Variants in PTPN3 observed in about 807,000 individuals in gnomAD.
PTPN3 encodes tyrosine-protein phosphatase non-receptor type 3.
Under a neutral mutation model 132.7 loss-of-function variants are expected in PTPN3, and 96 were observed. The observed-to-expected ratio is 0.72, with a 90% CI of 0.61 to 0.86. PTPN3 has a LOEUF of 0.86. Among genes scored for constraint, PTPN3 ranks in the 40% least tolerant of loss-of-function variants. The pLI, the probability that PTPN3 is intolerant of heterozygous loss-of-function variation, is 0.00. For synonymous variants in PTPN3, 398 were observed against 429.0 expected (o/e 0.93, Z 0.89); for missense variants, 1,125 against 1,159.6 (o/e 0.97, Z 0.43).
upstream of PTPN3, among the ~76,000 whole-genome samples, chr9:109,499,443 A>T (rs1427747561): frequency 1.3e-5 from 2 of 152,134 alleles, no homozygotes; most frequent in African/African-American, 2.4e-5. Context: ...GAGGCAGAGG[A>T]GCAGATGAGG....
chr9:109,487,679 C>G (rs1450102908), intron 1 of PTPN3, among the ~76,000 whole-genome samples: 1 of 152,196 alleles, frequency 6.6e-6, no homozygotes, highest in Admixed American at 6.5e-5. Flanking sequence ...AAAAGACAGC[C>G]TAGCAACTTC....
chr9:109,464,562 A>T (rs576736415), intron 1 of PTPN3, among the ~76,000 whole-genome samples: 10 of 152,258 alleles, frequency 6.6e-5, no homozygotes, highest in Admixed American at 1.3e-4. Flanking sequence ...AAGCTAAAAA[A>T]AATTTTTTTT....
rs530849411 is a variant in PTPN3 at position 109,387,455 on chromosome 9, G to A, written c.2253+1778C>T. ...TCATGGCAACCCAGGGGCCCCTAATGTTGCCCAGAGCAGCAAACCTATCTG... is the reference window on the plus strand; with the variant it reads ...TCATGGCAACCCAGGGGCCCCTAATATTGCCCAGAGCAGCAAACCTATCTG... On this transcript the variant is annotated intron_variant, in intron 22 of 25. Transcript: ENST00000374541. Among the ~76,000 whole-genome samples the A allele has an allele frequency of 2.0e-5, 3 of 152,304 alleles. No individual in the cohort carries two copies. In the South Asian group the frequency reaches 6.2e-4, roughly 32 times the overall value.
chr9:109,427,633 AG>A (rs1843371426), intron 11 of PTPN3, among the ~76,000 whole-genome samples: 1 of 152,156 alleles, frequency 6.6e-6, no homozygotes, highest in African/African-American at 2.4e-5. Context: ...GCATGAGTTT[AG>A]GTTTTCTGTT....
upstream of PTPN3, among the ~76,000 whole-genome samples, chr9:109,501,176 C>T (rs1847860111): frequency 6.6e-6 from 1 of 152,132 alleles, no homozygotes. Context: ...TTATCAAGCT[C>T]AAGTACGATG....
intron 13 of PTPN3, among the ~76,000 whole-genome samples, chr9:109,420,896 A>T (rs1293421886): frequency 6.6e-6 from 1 of 152,184 alleles, no homozygotes; most frequent in Admixed American, 6.5e-5. Flanking sequence ...CTTAAGGGTA[A>T]GTTATTCTTC....
intron 14 of PTPN3, among the ~76,000 whole-genome samples, chr9:109,414,751 T>G (rs1842342624): frequency 6.6e-6 from 1 of 152,232 alleles, no homozygotes; most frequent in Non-Finnish European, 1.5e-5. Context: ...AAGCACTTGC[T>G]AAACCTCGGT....
At chr9:109,457,792 T>A (rs1159733496) in intron 2 of PTPN3, among the ~76,000 whole-genome samples, 1 of 152,184 alleles carries the variant, frequency 6.6e-6, no homozygotes, top group East Asian at 1.9e-4. Context: ...GACACACCTG[T>A]GGCTCCTACT....
chr9:109,387,327 AGT>A (rs1398818738), intron 22 of PTPN3, among the ~76,000 whole-genome samples: 1 of 152,210 alleles, frequency 6.6e-6, no homozygotes, highest in Admixed American at 6.5e-5. Flanking sequence ...TCGTTGCCTA[AGT>A]GTGCATTTCA....
chr9:109,462,251 G>A lies in PTPN3; in HGVS notation c.138+1046C>T, dbSNP rs936436377. 3.3e-5 allele frequency among the ~76,000 whole-genome samples: 5 copies of A among 152,298 alleles called. No individual in the cohort carries two copies. The South Asian group carries it at 6.2e-4, about 19-fold the overall frequency. ...TCTGCAGCCAAGGCACTGGGCCACC[G>A]CCCCATGCCTGCTGAAAAGGAGATA... On this transcript the variant is annotated intron_variant, in intron 2 of 25. Coordinates refer to ENST00000374541, the MANE Select transcript of PTPN3 (RefSeq NM_002829.4).
intron 7 of PTPN3, 27 bp from the exon 8 acceptor site, chr9:109,438,261 C>A: frequency 1.3e-6 from 2 of 1,597,902 alleles, no homozygotes; most frequent in South Asian, 1.1e-5. Flanking sequence ...AGGGGAAAAT[C>A]ATAATTAGTT....
At chr9:109,504,687 A>G in the PTPN3 span, among the ~76,000 whole-genome samples, 1 of 152,336 alleles carries the variant, frequency 6.6e-6, no homozygotes, top group African/African-American at 2.4e-5. Flanking sequence ...AGAGGACCAT[A>G]CTGTAATGGA....
At chr9:109,393,622 G>T (rs1211055711) in intron 19 of PTPN3, among the ~76,000 whole-genome samples, 1 of 151,736 alleles carries the variant, frequency 6.6e-6, no homozygotes, top group African/African-American at 2.4e-5. Context: ...CCTGACCTCA[G>T]GTGATCCACA....
At chr9:109,466,539 A>T (rs1459430279) in intron 1 of PTPN3, among the ~76,000 whole-genome samples, 1 of 152,220 alleles carries the variant, frequency 6.6e-6, no homozygotes, top group African/African-American at 2.4e-5. Context: ...GATGTCCCAT[A>T]GACCAGTGCT....
At chr9:109,429,777 T>A (rs1387502670) in intron 10 of PTPN3, among the ~76,000 whole-genome samples, 1 of 152,190 alleles carries the variant, frequency 6.6e-6, no homozygotes, top group Non-Finnish European at 1.5e-5. Flanking sequence ...CTATCATTCA[T>A]TTATGCAAAA....
Position 109,378,762 on chromosome 9 carries a change from C to T in PTPN3, c.*794G>A, listed in dbSNP as rs999285133. The T allele has an allele frequency of 6.6e-6, 1 of 152,636 alleles. No homozygotes were observed. The highest frequency in any genetic ancestry group is 2.4e-5 in the African/African-American group (1 of 41,414). The allele number at this position is 152,636 out of a possible 1,614,324, so 9.5% of individuals were successfully genotyped here. A position where few individuals can be genotyped will look rare whatever the true frequency, so the allele number is the denominator to read the frequency against. On this transcript the variant is annotated 3_prime_UTR_variant, in exon 26 of 26. Coordinates refer to ENST00000374541, the MANE Select transcript of PTPN3 (RefSeq NM_002829.4). ...GATTCAGTAGTCGGTGATTCCAGTC[C>T]TGGGTGCTGAGTGTGCAGTAGGAGG... is the stretch of plus-strand genomic sequence containing the variant.
At chr9:109,391,354 G>C in intron 20 of PTPN3, 117 bp downstream of exon 20, 1 of 1,294,688 alleles carries the variant, frequency 7.7e-7, no homozygotes, top group East Asian at 2.5e-5. Flanking sequence ...CTGCAATAAA[G>C]ACGGTGGTGT....
At chr9:109,518,619 C>G in the PTPN3 span, among the ~76,000 whole-genome samples, 1 of 152,300 alleles carries the variant, frequency 6.6e-6, no homozygotes, top group South Asian at 2.1e-4. Context: ...TCCCCTGCCT[C>G]CATCCAGAGG....
At chr9:109,473,084 T>C (rs1846458157) in intron 1 of PTPN3, among the ~76,000 whole-genome samples, 3 of 152,200 alleles carry the variant, frequency 2.0e-5, no homozygotes, top group Admixed American at 2.0e-4. Context: ...TTTATGAACA[T>C]ATTTAATACT....
Sources: gnomAD v4.1 joint callset for allele counts (sites outside exome capture counted in the v4.1 genomes callset) on GRCh38, gnomAD v4.1.1 for gene constraint, MANE v1.5 for transcripts, NCBI Gene and HGNC (gene_info 2026-07-23, HGNC 2026-07-21) for gene names.